Variants in MIPOL1 observed in about 807,000 individuals in gnomAD.
MIPOL1 encodes the protein mirror-image polydactyly 1.
In MIPOL1, 57 loss-of-function variants were observed where a neutral mutation model predicts 60.9. That is an observed-to-expected ratio of 0.94 (90% CI 0.76 to 1.17). The LOEUF is 1.17. Ranked by LOEUF, MIPOL1 falls within the 50% of genes most tolerant of loss-of-function variation. The pLI is 0.00. For synonymous variants in MIPOL1, 179 were observed against 168.8 expected, an observed-to-expected ratio of 1.06 and a Z score of -0.47; for missense variants, 551 against 511.6, an observed-to-expected ratio of 1.08 and a Z score of -0.74.
At chr14:37,342,073 G>A (rs1156441318) in intron 9 of MIPOL1, among the ~76,000 whole-genome samples, 2 of 152,194 alleles carry the variant, frequency 1.3e-5, no homozygotes, top group South Asian at 2.1e-4. Context: ...TAAATAATAT[G>A]CATGTTGGCT....
chr14:37,495,898 A>G (rs1414845342), intron 11 of MIPOL1, among the ~76,000 whole-genome samples: 5 of 148,216 alleles, frequency 3.4e-5, no homozygotes, highest in Non-Finnish European at 7.5e-5. Context: ...GCATTTTTTC[A>G]TGTGTTTTTT....
chr14:37,200,889 TGTGTGTGTGTA>T (rs1450903918), intron 1 of MIPOL1, among the ~76,000 whole-genome samples: 3 of 105,984 alleles, frequency 2.8e-5, no homozygotes, highest in African/African-American at 6.1e-5. Context: ...TGTGTGTGTG[TGTGTGTGTGTA>T]TTTTTTTTTT....
chr14:37,379,242 G>A (rs2092860711), intron 10 of MIPOL1, among the ~76,000 whole-genome samples: 1 of 152,028 alleles, frequency 6.6e-6, no homozygotes, highest in Non-Finnish European at 1.5e-5. Context: ...ATGGTCTCAA[G>A]ACAACTGGCT....
chr14:37,357,941 C>G (rs1441093579), intron 9 of MIPOL1, among the ~76,000 whole-genome samples: 2 of 152,022 alleles, frequency 1.3e-5, no homozygotes, highest in Non-Finnish European at 2.9e-5. Flanking sequence ...CTGCACCCAT[C>G]AACTCGTCAT....
rs1292331671 is a variant in MIPOL1 at position 37,247,093 on chromosome 14, A to C, written c.-198-10A>C. The C allele has an allele frequency of 6.6e-6, 1 of 152,540 alleles. No individual in the cohort carries two copies. The highest frequency in any genetic ancestry group is 1.5e-5 in the Non-Finnish European group (1 of 67,984). 9.4% of individuals were successfully genotyped at this position (152,540 alleles called of 1,614,324 possible). ...ATTTCTTTGATATTAATAACTTCCT[A>C]TATTTTCAGCTAATCCAAAAGTAAA... On this transcript the variant is annotated splice_polypyrimidine_tract_variant and intron_variant, in intron 1 of 12. Transcript: ENST00000684589.
intron 1 of MIPOL1, among the ~76,000 whole-genome samples, chr14:37,237,719 AAC>A (rs1443643530): frequency 6.6e-6 from 1 of 152,086 alleles, no homozygotes; most frequent in Non-Finnish European, 1.5e-5. Flanking sequence ...TTAAGTAGTT[AAC>A]TTTTGCACCC....
intron 1 of MIPOL1, among the ~76,000 whole-genome samples, chr14:37,238,862 G>A (rs540729714): frequency 6.6e-6 from 1 of 151,822 alleles, no homozygotes; most frequent in East Asian, 2.0e-4. Context: ...CCAAGGCAGG[G>A]GTATTGCTTG....
intron 1 of MIPOL1, among the ~76,000 whole-genome samples, chr14:37,218,429 C>T (rs1257880309): frequency 6.6e-6 from 1 of 151,858 alleles, no homozygotes; most frequent in Non-Finnish European, 1.5e-5. Context: ...CTCAAGTGAT[C>T]TTCCTGTCTT....
intron 10 of MIPOL1, among the ~76,000 whole-genome samples, chr14:37,392,892 C>G (rs2093283283): frequency 6.6e-6 from 1 of 152,070 alleles, no homozygotes; most frequent in Non-Finnish European, 1.5e-5. Context: ...TGTGTGCCCC[C>G]AAAAGATATG....
intron 9 of MIPOL1, among the ~76,000 whole-genome samples, chr14:37,330,437 A>T (rs1165271994): frequency 6.6e-6 from 1 of 152,168 alleles, no homozygotes; most frequent in Non-Finnish European, 1.5e-5. Flanking sequence ...CTTAAATTTT[A>T]TACAAACATA....
intron 11 of MIPOL1, among the ~76,000 whole-genome samples, chr14:37,463,152 G>GGA (rs2094559241): frequency 1.3e-5 from 2 of 152,326 alleles, no homozygotes; most frequent in African/African-American, 4.8e-5. Flanking sequence ...AAGGCAAGGA[G>GGA]GAGCAAGTCA....
In MIPOL1 at chr14:37,343,151, A is replaced by G. The variant is rs145125402; in HGVS notation, c.829-26366A>G. On this transcript the variant is annotated intron_variant, in intron 9 of 12. Transcript: ENST00000684589. Reference sequence around the variant, plus strand: ...GTATAAATATACACACATACATATCAGCTGTAGTGTATGTGGTTTCAGAGA... The same window carrying G: ...GTATAAATATACACACATACATATCGGCTGTAGTGTATGTGGTTTCAGAGA... Among the ~76,000 whole-genome samples the G allele has an allele frequency of 3.3e-3, 494 of 151,974 alleles. 4 individuals are homozygous for G. Among genetic ancestry groups the G allele is most frequent in the African/African-American group, 0.011 (458 of 41,510 alleles).
In MIPOL1 at chr14:37,463,412, T is replaced by C. The variant is rs961478712; in HGVS notation, c.1032-36496T>C. 7.2e-5 allele frequency among the ~76,000 whole-genome samples: 11 copies of C among 152,126 alleles called. No homozygotes were observed. The East Asian group carries it at 1.7e-3, about 24-fold the overall frequency. On this transcript the variant is annotated intron_variant, in intron 11 of 12. Transcript: ENST00000684589. ...ATCAGTACAGATAGAAAAATAGACA[T>C]ATAGATCAATGGAACAGAACAAAGA... is the stretch of plus-strand genomic sequence containing the variant.
At chr14:37,355,891 C>T (rs1243896897) in intron 9 of MIPOL1, among the ~76,000 whole-genome samples, 2 of 148,756 alleles carry the variant, frequency 1.3e-5, no homozygotes, top group Non-Finnish European at 3.0e-5. Context: ...TCGTCTGAAG[C>T]CTTCTTCTCT....
intron 12 of MIPOL1, chr14:37,505,574 A>G (rs1201402688): frequency 6.6e-6 from 1 of 152,140 alleles, no homozygotes; most frequent in Non-Finnish European, 1.5e-5. Flanking sequence ...TAAAAACTTT[A>G]TGCAATAAAC....
intron 1 of MIPOL1, among the ~76,000 whole-genome samples, chr14:37,209,684 A>G (rs1332329016): frequency 6.6e-6 from 1 of 152,008 alleles, no homozygotes; most frequent in Non-Finnish European, 1.5e-5. Context: ...AAGAAATTAG[A>G]TAATATATAC....
At chr14:37,521,304 T>A (rs910636395) in intron 12 of MIPOL1, among the ~76,000 whole-genome samples, 1 of 152,132 alleles carries the variant, frequency 6.6e-6, no homozygotes, top group Admixed American at 6.6e-5. Flanking sequence ...TAGCACATTG[T>A]GGGTGTTTTG....
At chr14:37,377,942 A>T (rs1191372924) in intron 10 of MIPOL1, among the ~76,000 whole-genome samples, 1 of 151,960 alleles carries the variant, frequency 6.6e-6, no homozygotes, top group Non-Finnish European at 1.5e-5. Flanking sequence ...AAAACTTTTT[A>T]AAATTAAAAT....
chr14:37,307,219 T>C (rs1397867019), intron 7 of MIPOL1, among the ~76,000 whole-genome samples: 1 of 151,928 alleles, frequency 6.6e-6, no homozygotes, highest in Non-Finnish European at 1.5e-5. Flanking sequence ...AACTTTTTAG[T>C]ATAATTTTAA....
Sources: gnomAD v4.1 joint callset for allele counts (sites outside exome capture counted in the v4.1 genomes callset) on GRCh38, gnomAD v4.1.1 for gene constraint, MANE v1.5 for transcripts, NCBI Gene and HGNC (gene_info 2026-07-23, HGNC 2026-07-21) for gene names.